The following CCDC91 variants were observed in gnomAD, a reference collection of about 807,000 sequenced individuals.
CCDC91 encodes coiled-coil domain-containing protein 91.
In CCDC91, 48 loss-of-function variants were observed where a neutral mutation model predicts 63.2. The ratio of observed to expected loss-of-function variants is 0.76; its 90% CI spans 0.60 to 0.97. The LOEUF (loss-of-function observed/expected upper bound fraction) is 0.97, where lower values mean the gene tolerates loss of function less well. Ranked by LOEUF, CCDC91 falls within the 50% of genes least tolerant of loss-of-function variation. The pLI, the probability that CCDC91 is intolerant of heterozygous loss-of-function variation, is 0.00. For synonymous variants in CCDC91, 167 were observed against 165.8 expected (o/e 1.01, Z -0.06); for missense variants, 500 against 494.6 (o/e 1.01, Z -0.10).
At chr12:28,352,521 A>G (rs1158925614) in intron 6 of CCDC91, among the ~76,000 whole-genome samples, 2 of 152,214 alleles carry the variant, frequency 1.3e-5, no homozygotes. Context: ...CACCAGAAGT[A>G]GATTCCATCT....
intron 11 of CCDC91, among the ~76,000 whole-genome samples, chr12:28,456,846 TG>T (rs1233044500): frequency 6.6e-6 from 1 of 152,046 alleles, no homozygotes; most frequent in Non-Finnish European, 1.5e-5. Context: ...TCAGGGGAGT[TG>T]TCAGGCCTGG....
chr12:28,291,047 G>C (rs1949218060), intron 3 of CCDC91, among the ~76,000 whole-genome samples: 1 of 151,886 alleles, frequency 6.6e-6, no homozygotes, highest in East Asian at 1.9e-4. Flanking sequence ...TTTCTGTTTT[G>C]GACCATGAAT....
chr12:28,292,775 TTAAA>T lies in CCDC91; in HGVS notation c.110-12871_110-12868del, dbSNP rs1353505018. ...AGACGTACATTGCCTTTGTTAATAC[TTAAA>T]TAGAGTACTCTATTTGGGTAGTACC... On this transcript the variant is annotated intron_variant, in intron 3 of 12. Transcript: ENST00000536442. Among the ~76,000 whole-genome samples the T allele has an allele frequency of 6.6e-5, 10 of 152,360 alleles. No individual in the cohort carries two copies. In the East Asian group the frequency reaches 7.7e-4, roughly 12 times the overall value.
rs146026460 is a variant in CCDC91, at chr12:28,308,618, T to A, written c.576+869T>A. Among the ~76,000 whole-genome samples, 21 of 152,100 alleles carry A rather than the reference T, an allele frequency of 1.4e-4. No homozygotes were observed. The East Asian group carries it at 3.9e-3, about 28-fold the overall frequency. ...CCTCAGTCATTTTTCTTTTTCCTAA[T>A]GTCCAGAGTGCTCAGATTCCCTCAG... is the stretch of plus-strand genomic sequence containing the variant. On this transcript the variant is annotated intron_variant, in intron 6 of 12. Coordinates refer to ENST00000536442, the MANE Select transcript of CCDC91 (RefSeq NM_018318.5).
intron 12 of CCDC91, among the ~76,000 whole-genome samples, chr12:28,511,410 C>T (rs1939363627): frequency 6.6e-6 from 1 of 151,978 alleles, no homozygotes; most frequent in African/African-American, 2.4e-5. Flanking sequence ...TGCATATTAT[C>T]CTCCCTGCAC....
intron 3 of CCDC91, among the ~76,000 whole-genome samples, chr12:28,290,581 G>A (rs570030144): frequency 1.4e-4 from 22 of 152,306 alleles, no homozygotes; most frequent in African/African-American, 4.8e-4. Flanking sequence ...ACTTGTTTGT[G>A]TGGTTGCTTT....
intron 12 of CCDC91, among the ~76,000 whole-genome samples, chr12:28,541,015 T>C (rs894876253): frequency 5.9e-5 from 9 of 152,114 alleles, no homozygotes; most frequent in African/African-American, 2.2e-4. Context: ...TACAACTTGA[T>C]TACAACTTCA....
chr12:28,444,293 A>T (rs1000995720), intron 8 of CCDC91, among the ~76,000 whole-genome samples: 1 of 152,212 alleles, frequency 6.6e-6, no homozygotes, highest in African/African-American at 2.4e-5. Context: ...CATAGTTACG[A>T]TAATTTAGAA....
chr12:28,486,871 T>G (rs1179813553), intron 12 of CCDC91, among the ~76,000 whole-genome samples: 1 of 152,028 alleles, frequency 6.6e-6, no homozygotes, highest in Non-Finnish European at 1.5e-5. Context: ...GCTTGTTTCC[T>G]TATATATTAA....
intron 12 of CCDC91, among the ~76,000 whole-genome samples, chr12:28,495,742 T>G (rs573292593): frequency 5.3e-5 from 8 of 151,788 alleles, no homozygotes; most frequent in Middle Eastern, 3.4e-3. Flanking sequence ...ATCAACTAAT[T>G]TTGTTTTTGA....
chr12:28,532,371 T>G (rs552548907), intron 12 of CCDC91, among the ~76,000 whole-genome samples: 1 of 152,100 alleles, frequency 6.6e-6, no homozygotes, highest in Non-Finnish European at 1.5e-5. Flanking sequence ...TTGAAGGGAC[T>G]CAAAAAAATT....
At chr12:28,470,723 T>G (rs544044089) in intron 11 of CCDC91, among the ~76,000 whole-genome samples, 1 of 152,248 alleles carries the variant, frequency 6.6e-6, no homozygotes, top group Admixed American at 6.5e-5. Context: ...AAAAAATGTG[T>G]TACTTATACA....
chr12:28,276,214 T>C (rs1042746687), intron 3 of CCDC91, among the ~76,000 whole-genome samples: 31 of 152,176 alleles, frequency 2.0e-4, no homozygotes, highest in Admixed American at 1.2e-3. Flanking sequence ...TGTATGTTTG[T>C]GTGTGTATAT....
At chr12:28,349,418 C>G (rs1943035518) in intron 6 of CCDC91, among the ~76,000 whole-genome samples, 1 of 152,138 alleles carries the variant, frequency 6.6e-6, no homozygotes, top group Non-Finnish European at 1.5e-5. Context: ...ATTGTCAGCC[C>G]TCTCCCACTG....
At chr12:28,431,042 A>G (rs1458294996) in intron 8 of CCDC91, among the ~76,000 whole-genome samples, 3 of 152,150 alleles carry the variant, frequency 2.0e-5, no homozygotes, top group Non-Finnish European at 4.4e-5. Flanking sequence ...CAAGTATGAC[A>G]TTTTTAATCT....
chr12:28,495,932 T>A (rs1565475414), intron 12 of CCDC91, among the ~76,000 whole-genome samples: 2 of 151,740 alleles, frequency 1.3e-5, no homozygotes, highest in Middle Eastern at 3.4e-3. Context: ...TACATTTTTT[T>A]AAAGAATACC....
At chr12:28,290,746 G>A (rs1949195623) in intron 3 of CCDC91, among the ~76,000 whole-genome samples, 1 of 152,108 alleles carries the variant, frequency 6.6e-6, no homozygotes, top group Non-Finnish European at 1.5e-5. Flanking sequence ...TTTTTAAGGA[G>A]TTAAATGCTG....
At chr12:28,302,801 C>T (rs1273979400) in intron 3 of CCDC91, 1 of 173,296 alleles carries the variant, frequency 5.8e-6, no homozygotes, top group Admixed American at 6.5e-5. Flanking sequence ...ATGAAACTAT[C>T]TGGTAGTAAG....
At chr12:28,224,213 C>T (rs1321228393) in intron 1 of CCDC91, among the ~76,000 whole-genome samples, 1 of 152,048 alleles carries the variant, frequency 6.6e-6, no homozygotes, top group Non-Finnish European at 1.5e-5. Context: ...ATGCAGTTGG[C>T]TTAAGTCATG....
Sources: gnomAD v4.1 joint callset for allele counts (sites outside exome capture counted in the v4.1 genomes callset) on GRCh38, gnomAD v4.1.1 for gene constraint, MANE v1.5 for transcripts, NCBI Gene and HGNC (gene_info 2026-07-23, HGNC 2026-07-21) for gene names.